Variants in EEA1 observed in about 807,000 individuals in gnomAD.
The protein encoded by EEA1 is early endosome antigen 1.
EEA1 carries 111 observed loss-of-function variants against 209.2 expected under a neutral mutation model. The ratio of observed to expected loss-of-function variants is 0.53; its 90% CI spans 0.45 to 0.62. The LOEUF is 0.62. EEA1 is among the 20% of genes least tolerant of loss of function. The pLI is 0.00. For missense variants in EEA1, 1,343 were observed against 1,530.8 expected (o/e 0.88, Z 2.05); for synonymous variants, 536 against 540.6 (o/e 0.99, Z 0.12).
At chr12:92,864,457 TG>T (rs1458935285) in intron 3 of EEA1, among the ~76,000 whole-genome samples, 22 of 152,192 alleles carry the variant, frequency 1.4e-4, no homozygotes, top group African/African-American at 5.3e-4. Context: ...ATTGCTATAC[TG>T]GTGATTATAA....
At chr12:92,864,158 G>A (rs1021867894) in intron 3 of EEA1, among the ~76,000 whole-genome samples, 1 of 152,002 alleles carries the variant, frequency 6.6e-6, no homozygotes, top group Non-Finnish European at 1.5e-5. Flanking sequence ...CAACCACAAA[G>A]TTTATATGGT....
intron 26 of EEA1, 25 bp from the exon 27 acceptor site, chr12:92,777,688 T>C (rs1873716437): frequency 6.2e-7 from 1 of 1,601,318 alleles, no homozygotes; most frequent in South Asian, 1.1e-5. Context: ...AAAGAGGTAA[T>C]TAATTTTTTA....
chr12:92,843,405 CA>C (rs1877257355), intron 9 of EEA1, among the ~76,000 whole-genome samples: 1 of 152,132 alleles, frequency 6.6e-6, no homozygotes. Context: ...GCGACTCTCC[CA>C]CTACGGCCTC....
At chr12:92,800,307 A>T (rs565124826) in intron 20 of EEA1, among the ~76,000 whole-genome samples, 1 of 152,170 alleles carries the variant, frequency 6.6e-6, no homozygotes, top group Non-Finnish European at 1.5e-5. Flanking sequence ...TGTACAATCC[A>T]CTAGGATATG....
In EEA1 at chr12:92,802,700, A is replaced by G; in HGVS notation, c.2374T>C (p.Ser792Pro). 6.3e-7 allele frequency: 1 copy of G among 1,597,410 alleles called. No homozygotes were observed. Among genetic ancestry groups the G allele is most frequent in the Non-Finnish European group, 8.5e-7 (1 of 1,175,862 alleles). Residue 792 changes from serine (S) to proline (P), a missense_variant, in exon 19 of 29, where the codon TCT (serine) becomes CCT (proline). Ser to Pro is a moderately conservative substitution (Grantham distance 74). Around this residue, in one of 3 missense-constraint regions of EEA1, gnomAD observed 1,307 missense variants for 1,465.5 expected, o/e 0.89. Transcript: ENST00000322349. ...TGCTTGATACTTTCAAGGGCTTCAG[A>G]TTTTTTCTGTAGATCCAATCTTGTA... ...SSTRLDLQKKSEALESIKQKL... is the reference protein window; with the variant it reads ...SSTRLDLQKKPEALESIKQKL...
intron 6 of EEA1, 104 bp downstream of exon 6, chr12:92,853,811 T>C: frequency 3.0e-6 from 3 of 1,002,646 alleles, no homozygotes; most frequent in Non-Finnish European, 4.4e-6. Context: ...TCATAAAGCA[T>C]AACCATGAAA....
chr12:92,879,300 G>A (rs1276831759), intron 2 of EEA1: 14 of 436,730 alleles, frequency 3.2e-5, no homozygotes, highest in Non-Finnish European at 4.1e-5. Flanking sequence ...ACATCATTTC[G>A]GCACTCAAGT....
chr12:92,914,665 A>ATTT (rs1275187896), intron 1 of EEA1, among the ~76,000 whole-genome samples: 2 of 141,002 alleles, frequency 1.4e-5, no homozygotes, highest in Non-Finnish European at 3.1e-5. Flanking sequence ...TGTCTCTACA[A>ATTT]TTTTTTTTTT....
intron 21 of EEA1, among the ~76,000 whole-genome samples, chr12:92,792,803 C>T (rs1874471529): frequency 6.6e-6 from 1 of 152,102 alleles, no homozygotes; most frequent in African/African-American, 2.4e-5. Context: ...CATCCTGATA[C>T]CAAAGCCCAG....
At chr12:92,859,510 G>A (rs557501022) in intron 3 of EEA1, among the ~76,000 whole-genome samples, 7 of 152,286 alleles carry the variant, frequency 4.6e-5, no homozygotes, top group African/African-American at 1.4e-4. Flanking sequence ...GGTGATCCAT[G>A]TAACTGCCTA....
intron 14 of EEA1, among the ~76,000 whole-genome samples, chr12:92,817,182 T>A (rs1292596803): frequency 6.6e-6 from 1 of 151,098 alleles, no homozygotes; most frequent in Non-Finnish European, 1.5e-5. Flanking sequence ...GTCACTAAGG[T>A]ACTGTGTTTT....
At chr12:92,795,312 C>T (rs561116755) in intron 21 of EEA1, among the ~76,000 whole-genome samples, 58 of 152,196 alleles carry the variant, frequency 3.8e-4, no homozygotes, top group Non-Finnish European at 7.2e-4. Context: ...TCTTTGATCA[C>T]CCAACCTTCA....
chr12:92,895,562 G>A (rs1406397960), intron 1 of EEA1: 2 of 153,678 alleles, frequency 1.3e-5, no homozygotes, highest in African/African-American at 2.4e-5. Context: ...CAATTCACCT[G>A]GTCACCCAAG....
chr12:92,866,191 CAAAAAAAAAA>C (rs11317190), intron 2 of EEA1, among the ~76,000 whole-genome samples: 3 of 71,728 alleles, frequency 4.2e-5, no homozygotes, highest in African/African-American at 1.1e-4. Flanking sequence ...GACTCCTTCT[CAAAAAAAAAA>C]AAAAAAAAAA....
chr12:92,780,532 G>T, intron 23 of EEA1, 121 bp from the exon 24 acceptor site: 1 of 620,722 alleles, frequency 1.6e-6, no homozygotes, highest in Non-Finnish European at 2.6e-6. Context: ...CCTAACTTGG[G>T]CAAATTACTT....
intron 1 of EEA1, among the ~76,000 whole-genome samples, chr12:92,896,570 T>G (rs1174461752): frequency 6.6e-6 from 1 of 152,058 alleles, no homozygotes; most frequent in Non-Finnish European, 1.5e-5. Flanking sequence ...AACAGCAAAC[T>G]TCATTGTTGT....
At chr12:92,917,828 G>C (rs1313754097) in intron 1 of EEA1, among the ~76,000 whole-genome samples, 2 of 85,132 alleles carry the variant, frequency 2.3e-5, no homozygotes, top group African/African-American at 9.9e-5. Context: ...AGACCCATCA[G>C]TGTGCTGTAT....
At chr12:92,824,670 G>C (rs987497642) in intron 13 of EEA1, among the ~76,000 whole-genome samples, 2 of 152,062 alleles carry the variant, frequency 1.3e-5, no homozygotes, top group Non-Finnish European at 2.9e-5. Context: ...TCTTTTCAAA[G>C]AGGCCTAACA....
chr12:92,916,305 A>G (rs891006768), intron 1 of EEA1, among the ~76,000 whole-genome samples: 4 of 152,042 alleles, frequency 2.6e-5, no homozygotes, highest in African/African-American at 9.7e-5. Flanking sequence ...CTGACAATAA[A>G]ATTTCTTGAA....
Sources: gnomAD v4.1 joint callset for allele counts (sites outside exome capture counted in the v4.1 genomes callset) on GRCh38, gnomAD v4.1.1 for gene constraint, gnomAD v4.1.1 regional missense constraint, MANE v1.5 for transcripts, NCBI Gene and HGNC (gene_info 2026-07-23, HGNC 2026-07-21) for gene names.